The following SIGLEC5 variants were observed in gnomAD, a reference collection of about 807,000 sequenced individuals.
The protein encoded by SIGLEC5 is sialic acid-binding Ig-like lectin 5.
SIGLEC5 carries 34 observed loss-of-function variants against 45.9 expected under a neutral mutation model. The observed-to-expected ratio is 0.74, with a 90% confidence interval of 0.56 to 0.99. The LOEUF is 0.99. SIGLEC5 is among the 50% of genes least tolerant of loss of function. The pLI is 0.00. For missense variants in SIGLEC5, 508 were observed against 629.6 expected, an observed-to-expected ratio of 0.81 and a Z score of 2.07; for synonymous variants, 203 against 258.6, an observed-to-expected ratio of 0.79 and a Z score of 2.06.
At position 51,628,008 on chromosome 19, in the gene SIGLEC5, G is replaced by C. The variant is rs747643518; in HGVS notation, c.823C>G (p.Pro275Ala). The change falls in exon 5 of 9, where the codon CCC (proline) becomes GCC (alanine). Residue 275 changes from proline to alanine, a missense_variant. This residue lies in a region of SIGLEC5 where 431 missense variants were observed against 428.8 expected (regional missense o/e 1.01). Transcript: ENST00000683636. The stretch of plus-strand genomic sequence containing the variant: ...TGGAACCAGCTCAGGTGTGCAGGGG[G>C]GTTGCTGGGAGCATCACAGAGCAGC... ...LRLLCDAPSNPPAHLSWFQGS... is the reference protein window; with the variant it reads ...LRLLCDAPSNAPAHLSWFQGS... The C allele has an allele frequency of 6.2e-7, 1 of 1,610,732 alleles. No individual in the cohort carries two copies. The highest frequency in any genetic ancestry group is 8.5e-7 in the Non-Finnish European group (1 of 1,178,318).
At chr19:51,625,538 G>A (rs936952136) in intron 8 of SIGLEC5, among the ~76,000 whole-genome samples, 7 of 152,116 alleles carry the variant, frequency 4.6e-5, no homozygotes, top group Non-Finnish European at 8.8e-5. Context: ...CTTTTAGAAA[G>A]AAGGTTGGTG....
At chr19:51,612,538 C>T in intron 8 of SIGLEC5, 116 bp from the exon 9 acceptor site, 1 of 759,890 alleles carries the variant, frequency 1.3e-6, no homozygotes, top group Non-Finnish European at 2.1e-6. Context: ...GTTGGACTTT[C>T]TCATGCCAGA....
chr19:51,626,701 T>C (rs1274503817), intron 7 of SIGLEC5, among the ~76,000 whole-genome samples: 1 of 152,180 alleles, frequency 6.6e-6, no homozygotes, highest in African/African-American at 2.4e-5. Flanking sequence ...TTTCTTTATG[T>C]CTTCGTTTTT....
intron 5 of SIGLEC5, 25 bp from the exon 6 acceptor site, chr19:51,627,771 A>G: frequency 6.4e-7 from 1 of 1,569,490 alleles, no homozygotes. Context: ...GACAGAACTC[A>G]GCAGGGGGCC....
intron 8 of SIGLEC5, among the ~76,000 whole-genome samples, chr19:51,622,128 G>A (rs1297689651): frequency 6.6e-6 from 1 of 151,686 alleles, no homozygotes; most frequent in East Asian, 1.9e-4. Context: ...TTGCTTTTTT[G>A]TTTTTTGTTT....
chr19:51,619,594 G>A (rs1435030077), intron 8 of SIGLEC5, among the ~76,000 whole-genome samples: 1 of 152,066 alleles, frequency 6.6e-6, no homozygotes, highest in Non-Finnish European at 1.5e-5. Context: ...ATTCAAAGAA[G>A]AAATCACAAT....
At chr19:51,622,173 C>T (rs1983314053) in intron 8 of SIGLEC5, among the ~76,000 whole-genome samples, 1 of 151,848 alleles carries the variant, frequency 6.6e-6, no homozygotes, top group South Asian at 2.1e-4. Context: ...GTTCTGTCAC[C>T]CAGGCTGGAG....
At chr19:51,627,269 C>T in intron 6 of SIGLEC5, 21 bp from the exon 7 acceptor site, 1 of 1,602,408 alleles carries the variant, frequency 6.2e-7, no homozygotes, top group South Asian at 1.1e-5. Flanking sequence ...GAGGGGCGTG[C>T]AATAACTCAC....
At chr19:51,622,900 A>G (rs1983343380) in intron 8 of SIGLEC5, among the ~76,000 whole-genome samples, 1 of 152,214 alleles carries the variant, frequency 6.6e-6, no homozygotes, top group Non-Finnish European at 1.5e-5. Context: ...TATTTCACTT[A>G]ACATAATGAT....
chr19:51,627,629 A>G lies in SIGLEC5; in HGVS notation c.1115T>C (p.Leu372Pro). 6.2e-7 allele frequency: 1 copy of G among 1,612,574 alleles called. No individual in the cohort carries two copies. The highest frequency in any genetic ancestry group is 8.5e-7 in the Non-Finnish European group (1 of 1,179,694). ...SLCWRLEEKP[L>P]EGNSSQGSFK... is the part of the protein sequence containing the mutation. ...TGAGCCCTGGCTGCTGTTCCCCTCC[A>G]GCGGCTTCTCCTCAAGCCGCCAGCA... Residue 372 changes from leucine (L) to proline (P), a missense_variant, in exon 6 of 9, where the codon CTG becomes CCG. Leu to Pro is a moderately conservative substitution (Grantham distance 98, BLOSUM62 -3). Coordinates refer to ENST00000683636, the MANE Select transcript of SIGLEC5 (RefSeq NM_003830.4).
rs1982840768 is a variant in SIGLEC5, at chr19:51,611,283, T to C, written c.*948A>G. ...GTTCAATTTTAGAGGAGGGAGAGTA[T>C]AAGTTCTTTCTTCAGTCCACTCTTC... On this transcript the variant is annotated 3_prime_UTR_variant, in exon 9 of 9. Transcript: ENST00000683636. 6.6e-6 allele frequency among the ~76,000 whole-genome samples: 1 copy of C among 152,188 alleles called. No homozygotes were observed. Among genetic ancestry groups the C allele is most frequent in the Non-Finnish European group, 1.5e-5 (1 of 68,040 alleles).
At position 51,629,473 on chromosome 19, in the gene SIGLEC5, G is replaced by T. The variant is rs753260823; in HGVS notation, c.585C>A (p.Ser195=). 6.2e-6 allele frequency: 10 copies of T among 1,612,880 alleles called. No homozygotes were observed. The highest frequency in any genetic ancestry group is 8.5e-6 in the Non-Finnish European group (10 of 1,179,696). The change falls in exon 3 of 9, where the codon TCC becomes TCA. Residue 195 remains serine (S), a synonymous_variant. Coordinates refer to ENST00000683636, the MANE Select transcript of SIGLEC5 (RefSeq NM_003830.4). ...GCCTGGGGGTGAGGGTGAGCTCCGA[G>T]GAGCGGGTGGTCTCGGGGTCCAGGG... The part of the protein sequence containing the change: ...LSPLDPETTR[S]SELTLTPRPE...
chr19:51,620,189 T>G (rs1031404499), intron 8 of SIGLEC5, among the ~76,000 whole-genome samples: 2 of 152,092 alleles, frequency 1.3e-5, no homozygotes, highest in African/African-American at 4.8e-5. Flanking sequence ...GTTTGATAAG[T>G]GACATCTATC....
In SIGLEC5 at chr19:51,627,190, C is replaced by A. The variant is rs367576404; in HGVS notation, c.1341G>T (p.Met447Ile). ...VPAALGGAGVMALLCICLCLI... is the reference protein window; with the variant it reads ...VPAALGGAGVIALLCICLCLI... ...GGCACAGACAGATACAGAGCAGGGC[C>A]ATGACACCAGCACCACCAAGGGCTG... is the stretch of plus-strand genomic sequence containing the variant. The change falls in exon 7 of 9, where the codon ATG becomes ATT. Residue 447 changes from methionine (M) to isoleucine (I), a missense_variant. Physicochemically the swap from Met to Ile is conservative, Grantham distance 10. Around this residue, in one of 2 missense-constraint regions of SIGLEC5, gnomAD observed 431 missense variants for 428.8 expected, o/e 1.01. Transcript: ENST00000683636. The A allele has an allele frequency of 5.1e-5, 82 of 1,614,144 alleles. No homozygotes were observed. In the African/African-American group the frequency reaches 8.5e-4, roughly 17 times the overall value.
At chr19:51,625,627 C>A (rs1158121629) in intron 8 of SIGLEC5, among the ~76,000 whole-genome samples, 2 of 152,082 alleles carry the variant, frequency 1.3e-5, no homozygotes, top group Non-Finnish European at 2.9e-5. Flanking sequence ...GTCAGGAGTT[C>A]AAGAACTGCC....
rs543594079 is a variant in SIGLEC5, at chr19:51,623,958, A to G, written c.1464+2074T>C. 1.1e-4 allele frequency among the ~76,000 whole-genome samples: 17 copies of G among 152,066 alleles called. 1 individual carries two copies. The South Asian group carries it at 3.5e-3, about 32-fold the overall frequency. On this transcript the variant is annotated intron_variant, in intron 8 of 8. Coordinates refer to ENST00000683636, the MANE Select transcript of SIGLEC5 (RefSeq NM_003830.4). ...TTGGGAGGTCAAGGTGGGTGGATCAAGACCAGACTGGCCAACATGGTGAAA... is the reference window on the plus strand; with the variant it reads ...TTGGGAGGTCAAGGTGGGTGGATCAGGACCAGACTGGCCAACATGGTGAAA...
chr19:51,618,443 T>TAAAAAAA (rs1228951315), intron 8 of SIGLEC5, among the ~76,000 whole-genome samples: 2,068 of 49,422 alleles, frequency 0.042, 256 homozygotes, highest in Non-Finnish European at 0.052. Context: ...AGACCCTGCC[T>TAAAAAAA]AAAAAAAAAA....
intron 8 of SIGLEC5, among the ~76,000 whole-genome samples, chr19:51,616,948 T>C (rs1298358638): frequency 2.0e-5 from 2 of 98,816 alleles, no homozygotes; most frequent in Non-Finnish European, 4.2e-5. Context: ...AACATTTAGA[T>C]AATAATAGTT....
In SIGLEC5 at chr19:51,627,242, G is replaced by C. The variant is rs192335508; in HGVS notation, c.1289C>G (p.Ser430Trp). The change falls in exon 7 of 9, where the codon TCG becomes TGG. Residue 430 changes from serine to tryptophan, a missense_variant. Physicochemically the swap from Ser to Trp is radical, Grantham distance 177. This residue lies in a region of SIGLEC5 where 431 missense variants were observed against 428.8 expected (regional missense o/e 1.01). Transcript: ENST00000683636. ...AGGAACCACTCCTGTCCCGAGGTTCGATCTCCCTGCAGAAAAGAGGGGCGT... is the reference window on the plus strand; with the variant it reads ...AGGAACCACTCCTGTCCCGAGGTTCCATCTCCCTGCAGAAAAGAGGGGCGT... ...SGSVLLLQGR[S>W]NLGTGVVPAA... 1 of 1,613,788 alleles carries C rather than the reference G, an allele frequency of 6.2e-7. No individual in the cohort carries two copies. The highest frequency in any genetic ancestry group is 1.7e-5 in the Admixed American group (1 of 60,002).
Sources: gnomAD v4.1 joint callset for allele counts (sites outside exome capture counted in the v4.1 genomes callset) on GRCh38, gnomAD v4.1.1 for gene constraint, gnomAD v4.1.1 regional missense constraint, MANE v1.5 for transcripts, NCBI Gene and HGNC (gene_info 2026-07-23, HGNC 2026-07-21) for gene names.